Variants in MRTFA observed in about 807,000 individuals in gnomAD.
MRTFA encodes the protein myocardin related transcription factor A, also known as myocardin-related transcription factor A.
Under a neutral mutation model 83.5 loss-of-function variants are expected in MRTFA, and 20 were observed. The ratio of observed to expected loss-of-function variants is 0.24; its 90% confidence interval spans 0.17 to 0.35. The LOEUF (loss-of-function observed/expected upper bound fraction) is 0.35, where lower values mean the gene tolerates loss of function less well. Among genes scored for constraint, MRTFA ranks in the 10% least tolerant of loss-of-function variants. The pLI, the probability that MRTFA is intolerant of heterozygous loss-of-function variation, is 1.00. For missense variants in MRTFA, 1,200 were observed against 1,224.7 expected, an observed-to-expected ratio of 0.98 and a Z score of 0.30; for synonymous variants, 659 against 541.2, an observed-to-expected ratio of 1.22 and a Z score of -3.02.
At chr22:40,412,210 T>C (rs2052570575) in intron 14 of MRTFA, 3 of 220,208 alleles carry the variant, frequency 1.4e-5, no homozygotes, top group Non-Finnish European at 2.6e-5. Flanking sequence ...AAAGATGATA[T>C]ACAAATGGCC....
chr22:40,488,207 G>C (rs1312351180), intron 3 of MRTFA, among the ~76,000 whole-genome samples: 2 of 152,138 alleles, frequency 1.3e-5, no homozygotes, highest in Non-Finnish European at 2.9e-5. Context: ...TCATAAACTA[G>C]AGATGAACAA....
intron 4 of MRTFA, among the ~76,000 whole-genome samples, chr22:40,441,409 T>C (rs2053271175): frequency 6.6e-6 from 1 of 152,194 alleles, no homozygotes; most frequent in Admixed American, 6.5e-5. Flanking sequence ...CCTAACTTGT[T>C]TGCTGCCTAA....
intron 1 of MRTFA, among the ~76,000 whole-genome samples, chr22:40,615,275 C>A (rs59047419): frequency 0.1 from 15,306 of 152,168 alleles, 930 homozygotes; most frequent in East Asian, 0.25. Flanking sequence ...ATTATGTTTG[C>A]GCTATTGCTG....
At chr22:40,428,616 C>T (rs762959908) in intron 7 of MRTFA, among the ~76,000 whole-genome samples, 16 of 152,178 alleles carry the variant, frequency 1.1e-4, no homozygotes, top group Non-Finnish European at 2.1e-4. Flanking sequence ...TGGACGCAAG[C>T]GATCTTCCCA....
In MRTFA at chr22:40,418,845, G is replaced by A. The variant is rs777499411; in HGVS notation, c.1893C>T (p.Asp631=). 51 of 1,612,116 alleles carry A rather than the reference G, an allele frequency of 3.2e-5. No homozygotes were observed. Among genetic ancestry groups the A allele is most frequent in the Non-Finnish European group, 4.1e-5 (48 of 1,179,828 alleles). ...TGCGCGTCAGCGCCTCGATCTGCTT[G>A]TCTTTCTCCTGCAGCATCTGGTCCT... Residue 631 remains aspartate, a synonymous_variant, in exon 12 of 15, where the codon GAC becomes GAT. Transcript: ENST00000355630.
chr22:40,490,989 T>C (rs6001935), intron 3 of MRTFA, among the ~76,000 whole-genome samples: 18,299 of 152,146 alleles, frequency 0.12, 1,247 homozygotes, highest in East Asian at 0.24. Context: ...AGTGAACTTT[T>C]CTAAATAACT....
chr22:40,438,791 G>T (rs558205943), intron 4 of MRTFA, among the ~76,000 whole-genome samples: 1 of 151,932 alleles, frequency 6.6e-6, no homozygotes, highest in Non-Finnish European at 1.5e-5. Context: ...AACACAGTAC[G>T]TATAGGATTT....
intron 3 of MRTFA, among the ~76,000 whole-genome samples, chr22:40,497,423 A>G (rs2054374150): frequency 6.6e-6 from 1 of 152,366 alleles, no homozygotes; most frequent in Admixed American, 6.5e-5. Flanking sequence ...AGGGACAAAG[A>G]CAGCAGCAGA....
chr22:40,470,940 T>C (rs1665662848), intron 3 of MRTFA, among the ~76,000 whole-genome samples: 1 of 149,978 alleles, frequency 6.7e-6, no homozygotes, highest in Non-Finnish European at 1.5e-5. Flanking sequence ...AAGAGCGAGA[T>C]TCCGTCTCAA....
chr22:40,602,846 C>CA (rs2056276234), intron 1 of MRTFA, among the ~76,000 whole-genome samples: 1 of 152,004 alleles, frequency 6.6e-6, no homozygotes, highest in Non-Finnish European at 1.5e-5. Flanking sequence ...GACTCCATCT[C>CA]AAAAAACAAT....
At chr22:40,446,927 G>T (rs1213606091) in intron 4 of MRTFA, among the ~76,000 whole-genome samples, 1 of 152,168 alleles carries the variant, frequency 6.6e-6, no homozygotes, top group East Asian at 1.9e-4. Context: ...CTTAATTGAA[G>T]AAAGATATAC....
chr22:40,424,512 G>T, intron 7 of MRTFA, 131 bp from the exon 8 acceptor site: 1 of 926,912 alleles, frequency 1.1e-6, no homozygotes, highest in Non-Finnish European at 1.6e-6. Flanking sequence ...CAGGCAAGCC[G>T]AGGAGACTAG....
chr22:40,437,904 G>A (rs2053202456), intron 4 of MRTFA, among the ~76,000 whole-genome samples: 1 of 152,092 alleles, frequency 6.6e-6, no homozygotes, highest in Non-Finnish European at 1.5e-5. Flanking sequence ...TTCCCCAAGT[G>A]CCTAGAATAC....
At chr22:40,565,763 T>G (rs2055694245) in intron 2 of MRTFA, among the ~76,000 whole-genome samples, 1 of 152,202 alleles carries the variant, frequency 6.6e-6, no homozygotes, top group Non-Finnish European at 1.5e-5. Flanking sequence ...ATTATGTGCC[T>G]GGGGGCCAGG....
intron 4 of MRTFA, among the ~76,000 whole-genome samples, chr22:40,454,088 G>A (rs1002644280): frequency 1.3e-5 from 2 of 152,184 alleles, no homozygotes; most frequent in Non-Finnish European, 2.9e-5. Flanking sequence ...TGATAGGAAA[G>A]AAAGTAAAAT....
chr22:40,529,406 T>A (rs1355175594), intron 3 of MRTFA, among the ~76,000 whole-genome samples: 1 of 152,078 alleles, frequency 6.6e-6, no homozygotes, highest in Non-Finnish European at 1.5e-5. Context: ...AACCTCCACC[T>A]CCTGGGTTCA....
intron 3 of MRTFA, among the ~76,000 whole-genome samples, chr22:40,486,338 G>A (rs2054174415): frequency 6.6e-6 from 1 of 152,230 alleles, no homozygotes; most frequent in South Asian, 2.1e-4. Context: ...TCTTTGGCAA[G>A]AGTGTTTTGT....
At chr22:40,497,626 G>A (rs1042428928) in intron 3 of MRTFA, among the ~76,000 whole-genome samples, 15 of 152,012 alleles carry the variant, frequency 9.9e-5, no homozygotes, top group Non-Finnish European at 1.6e-4. Context: ...GATAGTGCAC[G>A]CCTATAATCC....
chr22:40,635,942 T>G (rs2056692454), intron 1 of MRTFA, among the ~76,000 whole-genome samples: 1 of 152,206 alleles, frequency 6.6e-6, no homozygotes, highest in Non-Finnish European at 1.5e-5. Context: ...ATCAGCGTCC[T>G]GACAGACGCT....
Sources: gnomAD v4.1 joint callset for allele counts (sites outside exome capture counted in the v4.1 genomes callset) on GRCh38, gnomAD v4.1.1 for gene constraint, MANE v1.5 for transcripts, NCBI Gene and HGNC (gene_info 2026-07-23, HGNC 2026-07-21) for gene names.